Variants in FHAD1 observed in about 807,000 individuals in gnomAD.
FHAD1 encodes the protein forkhead associated phosphopeptide binding domain 1.
FHAD1 carries 146 observed loss-of-function variants against 191.3 expected under a neutral mutation model. The observed-to-expected ratio is 0.76, with a 90% CI of 0.67 to 0.88. The LOEUF is 0.88. Among genes scored for constraint, FHAD1 ranks in the 40% least tolerant of loss-of-function variants. The probability of loss-of-function intolerance (pLI) is 0.00; values close to 1 mark genes in which losing one functional copy is unlikely to be tolerated. For synonymous variants in FHAD1, 616 were observed against 672.3 expected (o/e 0.92, Z 1.29); for missense variants, 1,635 against 1,785.8 (o/e 0.92, Z 1.52).
chr1:15,368,987 G>A (rs536613355), intron 25 of FHAD1, among the ~76,000 whole-genome samples: 1 of 152,264 alleles, frequency 6.6e-6, no homozygotes, highest in Admixed American at 6.5e-5. Flanking sequence ...AAAGGTGACT[G>A]CAGGCAGATT....
chr1:15,388,502 T>A, intron 32 of FHAD1: 1 of 598,112 alleles, frequency 1.7e-6, no homozygotes, highest in Non-Finnish European at 2.3e-6. Context: ...ACTTGGGGAC[T>A]TGGAGGCAAG....
At chr1:15,303,622 G>A (rs1164975534) in intron 6 of FHAD1, among the ~76,000 whole-genome samples, 1 of 152,198 alleles carries the variant, frequency 6.6e-6, no homozygotes, top group African/African-American at 2.4e-5. Context: ...GGCCAAGGCA[G>A]GCGGATCACC....
chr1:15,336,098 A>G (rs1471988730), intron 14 of FHAD1, among the ~76,000 whole-genome samples: 1 of 152,078 alleles, frequency 6.6e-6, no homozygotes, highest in Non-Finnish European at 1.5e-5. Flanking sequence ...CCAACCCTGT[A>G]CTCTCAAGCC....
chr1:15,291,755 T>C (rs1201027700), intron 4 of FHAD1, among the ~76,000 whole-genome samples: 1 of 152,156 alleles, frequency 6.6e-6, no homozygotes, highest in African/African-American at 2.4e-5. Flanking sequence ...TGCGGTCCTC[T>C]GAAGGCCTGG....
intron 14 of FHAD1, among the ~76,000 whole-genome samples, chr1:15,331,338 G>A (rs1168306225): frequency 2.0e-5 from 3 of 151,834 alleles, no homozygotes; most frequent in Non-Finnish European, 1.5e-5. Flanking sequence ...TGGGTTGGAG[G>A]GATGGATGGA....
In FHAD1 at chr1:15,373,716, C is replaced by T. The variant is rs566047177; in HGVS notation, c.3448-786C>T. Among the ~76,000 whole-genome samples, 88 of 152,174 alleles carry T rather than the reference C, an allele frequency of 5.8e-4. 1 individual carries two copies. Among genetic ancestry groups the T allele is most frequent in the African/African-American group, 2.0e-3 (85 of 41,524 alleles). Reference sequence around the variant, plus strand: ...AAAAAATAGAGAAAAATTAGTCGGGCGTGGTGGCACACACTTGTAGTTCCA... The same window carrying T: ...AAAAAATAGAGAAAAATTAGTCGGGTGTGGTGGCACACACTTGTAGTTCCA... On this transcript the variant is annotated intron_variant, in intron 26 of 33. Transcript: ENST00000688493.
chr1:15,367,476 G>A lies in FHAD1; in HGVS notation c.3168G>A (p.Glu1056=), dbSNP rs1027243293. 9 of 1,551,282 alleles carry A rather than the reference G, an allele frequency of 5.8e-6. No individual in the cohort carries two copies. Among genetic ancestry groups the A allele is most frequent in the African/African-American group, 4.1e-5 (3 of 73,026 alleles). ...RMSDLRGELN[E]KQKMELEQNV... ...TGTCACTCGCAGGGGAGCTAAACGA[G>A]AAGCAGAAGATGGAACTGGAGCAGA... Residue 1056 remains glutamate (E), a synonymous_variant, in exon 25 of 34, where the codon GAG becomes GAA. Transcript: ENST00000688493.
chr1:15,302,197 A>C lies in FHAD1; in HGVS notation c.915+756A>C, dbSNP rs77350525. 9.5e-3 allele frequency among the ~76,000 whole-genome samples: 1,439 copies of C among 152,178 alleles called. 9 individuals are homozygous for C. Among genetic ancestry groups the C allele is most frequent in the African/African-American group, 0.015 (614 of 41,526 alleles). On this transcript the variant is annotated intron_variant, in intron 6 of 33. Transcript: ENST00000688493. ...GCTGTCACTTCAGTAACCGCGTCTC[A>C]CCCAAATCCAGCCCCAGCCAGAGAG...
In FHAD1 at chr1:15,397,391, C is replaced by A; in HGVS notation, c.4418C>A (p.Ser1473Tyr). 1 of 1,538,998 alleles carries A rather than the reference C, an allele frequency of 6.5e-7. No homozygotes were observed. Among genetic ancestry groups the A allele is most frequent in the South Asian group, 1.2e-5 (1 of 82,656 alleles). ...AAGTCCAGCCAGAGCCTTTTGCATT[C>A]TAAGCCCAGTGGAAAGTACTAGAGA... is the stretch of plus-strand genomic sequence containing the variant. ...SSKSSQSLLHSKPSGKY is the reference protein window; with the variant it reads ...SSKSSQSLLHYKPSGKY Residue 1473 changes from serine to tyrosine, a missense_variant, in exon 34 of 34, where the codon TCT becomes TAT. Ser to Tyr is a moderately radical substitution (Grantham distance 144, BLOSUM62 -2). Transcript: ENST00000688493.
chr1:15,293,823 G>C (rs1462833670), intron 4 of FHAD1, among the ~76,000 whole-genome samples: 1 of 152,194 alleles, frequency 6.6e-6, no homozygotes, highest in Non-Finnish European at 1.5e-5. Context: ...TCCATTGGTA[G>C]ACACAGATGC....
chr1:15,266,683 C>T (rs930383266), intron 2 of FHAD1, among the ~76,000 whole-genome samples: 1 of 152,100 alleles, frequency 6.6e-6, no homozygotes, highest in African/African-American at 2.4e-5. Flanking sequence ...CAGGTATTCA[C>T]CAATATAGAA....
At chr1:15,377,124 C>T (rs1026687176) in intron 28 of FHAD1, among the ~76,000 whole-genome samples, 2 of 152,192 alleles carry the variant, frequency 1.3e-5, no homozygotes, top group African/African-American at 4.8e-5. Flanking sequence ...GCATCTGTCA[C>T]AGGACCCGCC....
At position 15,374,611 on chromosome 1, in the gene FHAD1, T is replaced by C; in HGVS notation, c.3557T>C (p.Leu1186Pro). 1 of 1,551,548 alleles carries C rather than the reference T, an allele frequency of 6.4e-7. No homozygotes were observed. Among genetic ancestry groups the C allele is most frequent in the Non-Finnish European group, 8.7e-7 (1 of 1,146,978 alleles). The change falls in exon 27 of 34, where the codon CTC (leucine) becomes CCC (proline). Residue 1186 changes from leucine (L) to proline (P), a missense_variant. Transcript: ENST00000688493. ...LSELRARIKE[L>P]EKARSPDHKD... ...GAACTTCGAGCGCGAATTAAAGAAC[T>C]CGAGAAGGCGCGCTCACCAGGTAAG...
chr1:15,265,240 TA>T (rs1482201157), intron 2 of FHAD1, among the ~76,000 whole-genome samples: 2 of 152,194 alleles, frequency 1.3e-5, no homozygotes, highest in Admixed American at 6.5e-5. Context: ...GAACTCCCTG[TA>T]AAGGGCTGTT....
intron 26 of FHAD1, 85 bp downstream of exon 26, chr1:15,369,587 C>G: frequency 6.9e-7 from 1 of 1,443,370 alleles, no homozygotes; most frequent in African/African-American, 1.4e-5. Context: ...AAGACACTTT[C>G]ATTCTAAGTT....
At chr1:15,309,257 C>T (rs929217200) in intron 7 of FHAD1, among the ~76,000 whole-genome samples, 1 of 152,224 alleles carries the variant, frequency 6.6e-6, no homozygotes, top group Non-Finnish European at 1.5e-5. Flanking sequence ...CCCACCCTTG[C>T]CAGGCACAGC....
At position 15,289,492 on chromosome 1, in the gene FHAD1, C is replaced by T. The variant is rs1385286015; in HGVS notation, c.394C>T (p.His132Tyr). ...GCCAAACCAGGCCCCCCCACCATCA[C>T]ATATCCCCTTCCACCAAGGTGTCCA... ...QQPNQAPPPS[H>Y]IPFHQGVQPA... is the part of the protein sequence containing the mutation. Residue 132 changes from histidine (H) to tyrosine (Y), a missense_variant, in exon 4 of 34, where the codon CAT (histidine) becomes TAT (tyrosine). By Grantham distance (83) the His-to-Tyr change is moderately conservative. Transcript: ENST00000688493. This position sits in a 1 kb window ranked among gnomAD's most constrained non-coding sequence, Gnocchi z 4.2. 42 of 1,551,788 alleles carry T rather than the reference C, an allele frequency of 2.7e-5. No individual in the cohort carries two copies. The highest frequency in any genetic ancestry group is 3.6e-5 in the Non-Finnish European group (41 of 1,147,054).
chr1:15,299,887 C>T (rs1668198624), intron 5 of FHAD1, among the ~76,000 whole-genome samples: 1 of 152,222 alleles, frequency 6.6e-6, no homozygotes, highest in South Asian at 2.1e-4. Flanking sequence ...TTGCCACAAG[C>T]ACTCACAGGG....
At chr1:15,315,879 A>G (rs1376971439) in intron 8 of FHAD1, among the ~76,000 whole-genome samples, 1 of 152,186 alleles carries the variant, frequency 6.6e-6, no homozygotes, top group Non-Finnish European at 1.5e-5. Context: ...TTGTCCTTAT[A>G]CATTCTTAAA....
Sources: allele counts gnomAD v4.1 joint callset (sites outside exome capture counted in the v4.1 genomes callset), GRCh38; gene constraint gnomAD v4.1.1; non-coding constraint Gnocchi (gnomAD v3.1); transcripts MANE v1.5; gene names NCBI Gene and HGNC (gene_info 2026-07-23, HGNC 2026-07-21).